MAP1B: variants seen among roughly 807,000 people sequenced by gnomAD.
The protein encoded by MAP1B is microtubule-associated protein 1B.
In MAP1B, 12 loss-of-function variants were observed where a neutral mutation model predicts 176.1. The ratio of observed to expected loss-of-function variants is 0.07; its 90% CI spans 0.04 to 0.11. MAP1B has a LOEUF of 0.11. Among genes scored for constraint, MAP1B ranks in the 10% least tolerant of loss-of-function variants. MAP1B has a pLI of 1.00. For missense variants in MAP1B, 2,523 were observed against 2,990.5 expected, an observed-to-expected ratio of 0.84 and a Z score of 3.65; for synonymous variants, 1,044 against 1,135.0, an observed-to-expected ratio of 0.92 and a Z score of 1.61.
chr5:72,108,376 G>T lies in MAP1B; in HGVS notation c.184+661G>T, dbSNP rs570760950. Among the ~76,000 whole-genome samples the T allele has an allele frequency of 7.2e-5, 11 of 152,356 alleles. No individual in the cohort carries two copies. In the South Asian group the frequency reaches 2.3e-3, roughly 32 times the overall value. On this transcript the variant is annotated intron_variant, in intron 1 of 6. Coordinates refer to ENST00000296755, the MANE Select transcript of MAP1B (RefSeq NM_005909.5). ...AGCCCGCCTCGCTACCGCCCTTGGG[G>T]CCTTGGCTGCAGCTCTCAGAAAGGA...
At chr5:72,115,206 C>G (rs1388097028) in intron 1 of MAP1B, among the ~76,000 whole-genome samples, 1 of 152,182 alleles carries the variant, frequency 6.6e-6, no homozygotes, top group African/African-American at 2.4e-5. Flanking sequence ...CACATGTATA[C>G]TACCAGAACA....
chr5:72,197,804 C>T lies in MAP1B; in HGVS notation c.4449C>T (p.Ala1483=). Residue 1483 remains alanine, a synonymous_variant, in exon 5 of 7, where the codon GCC becomes GCT. Coordinates refer to ENST00000296755, the MANE Select transcript of MAP1B (RefSeq NM_005909.5). ...GQEKKTDDVE[A]MSSQPALALD... Reference sequence around the variant, plus strand: ...AAAAGAAAACTGATGATGTTGAAGCCATGAGTTCTCAACCAGCACTGGCTC... The same window carrying T: ...AAAAGAAAACTGATGATGTTGAAGCTATGAGTTCTCAACCAGCACTGGCTC... The T allele has an allele frequency of 6.2e-7, 1 of 1,614,182 alleles. No homozygotes were observed. The highest frequency in any genetic ancestry group is 8.5e-7 in the Non-Finnish European group (1 of 1,180,050).
chr5:72,115,019 A>C (rs572338549), intron 1 of MAP1B, among the ~76,000 whole-genome samples: 1 of 152,320 alleles, frequency 6.6e-6, no homozygotes. Flanking sequence ...ATTGTGAATA[A>C]AAGAGCTGCC....
intron 2 of MAP1B, among the ~76,000 whole-genome samples, chr5:72,127,253 C>T (rs1036368416): frequency 6.6e-6 from 1 of 152,158 alleles, no homozygotes; most frequent in African/African-American, 2.4e-5. Context: ...CATAATTTAG[C>T]AAGTTAGTAC....
chr5:72,121,473 C>G (rs532620855), intron 2 of MAP1B, among the ~76,000 whole-genome samples: 1 of 152,292 alleles, frequency 6.6e-6, no homozygotes, highest in South Asian at 2.1e-4. Flanking sequence ...AGAACCGATG[C>G]CTTTTTCCTA....
chr5:72,147,995 A>T (rs1746076085), intron 2 of MAP1B, among the ~76,000 whole-genome samples: 1 of 152,206 alleles, frequency 6.6e-6, no homozygotes, highest in African/African-American at 2.4e-5. Flanking sequence ...AAAGAAAATC[A>T]CCCAAACTAG....
intron 2 of MAP1B, among the ~76,000 whole-genome samples, chr5:72,150,332 G>A (rs1338272175): frequency 6.6e-6 from 1 of 152,126 alleles, no homozygotes; most frequent in Non-Finnish European, 1.5e-5. Flanking sequence ...TTCTCTGGTG[G>A]TAACTGGCAT....
intron 4 of MAP1B, among the ~76,000 whole-genome samples, chr5:72,189,996 A>G (rs1376062122): frequency 6.6e-6 from 1 of 152,240 alleles, no homozygotes; most frequent in Admixed American, 6.5e-5. Flanking sequence ...CATAAGGCCA[A>G]GAGGAAGGAG....
At chr5:72,200,886 G>A (rs1454623846) in intron 5 of MAP1B, among the ~76,000 whole-genome samples, 2 of 152,036 alleles carry the variant, frequency 1.3e-5, no homozygotes, top group African/African-American at 4.8e-5. Flanking sequence ...AACATCACCA[G>A]GTTGGAGATA....
Position 72,167,280 on chromosome 5 carries a change from A to G in MAP1B, c.287-16463A>G, listed in dbSNP as rs554293413. ...CTATCTCATAGGTTGCAATTTGTTA[A>G]TTGGATTTTTTTTAAAACAAGAAGC... is the stretch of plus-strand genomic sequence containing the variant. On this transcript the variant is annotated intron_variant, in intron 2 of 6. Coordinates refer to ENST00000296755, the MANE Select transcript of MAP1B (RefSeq NM_005909.5). Among the ~76,000 whole-genome samples the G allele has an allele frequency of 2.0e-5, 3 of 152,320 alleles. No individual in the cohort carries two copies. In the South Asian group the frequency reaches 6.2e-4, roughly 32 times the overall value.
At chr5:72,134,607 G>A (rs1382167984) in intron 2 of MAP1B, among the ~76,000 whole-genome samples, 4 of 151,858 alleles carry the variant, frequency 2.6e-5, no homozygotes, top group South Asian at 4.2e-4. Context: ...ACTTGAAAAC[G>A]TAGAAGCAGG....
intron 2 of MAP1B, among the ~76,000 whole-genome samples, chr5:72,143,773 T>G (rs907149909): frequency 1.3e-5 from 2 of 152,188 alleles, no homozygotes; most frequent in African/African-American, 4.8e-5. Context: ...TTTCTCCTCA[T>G]TTCTAGTGAT....
chr5:72,173,265 C>G (rs897580978), intron 2 of MAP1B, among the ~76,000 whole-genome samples: 4 of 152,204 alleles, frequency 2.6e-5, no homozygotes, highest in Non-Finnish European at 5.9e-5. Context: ...TTATGACTTA[C>G]GATTCCTGAT....
chr5:72,120,095 C>T (rs75670034), intron 2 of MAP1B, among the ~76,000 whole-genome samples: 27 of 152,206 alleles, frequency 1.8e-4, no homozygotes, highest in African/African-American at 5.1e-4. Flanking sequence ...AATTATCTGT[C>T]GTAGACAGAC....
Position 72,194,570 on chromosome 5 carries a change from T to A in MAP1B, c.1215T>A (p.Thr405=). ...PEPLFRSVGN[T]IDPVILFQKM... is the part of the protein sequence containing the mutation. ...CTCTGTTTAGAAGTGTAGGCAATAC[T>A]ATTGATCCTGTCATTCTTTTCCAAA... The change falls in exon 5 of 7, where the codon ACT becomes ACA. Residue 405 remains threonine (T), a synonymous_variant. Coordinates refer to ENST00000296755, the MANE Select transcript of MAP1B (RefSeq NM_005909.5). This position sits in a 1 kb window ranked among gnomAD's most constrained non-coding sequence, Gnocchi z 7.2. 2 of 1,614,166 alleles carry A rather than the reference T, an allele frequency of 1.2e-6. No individual in the cohort carries two copies. Among genetic ancestry groups the A allele is most frequent in the Non-Finnish European group, 1.7e-6 (2 of 1,180,052 alleles).
chr5:72,148,806 A>G (rs1052107959), intron 2 of MAP1B, among the ~76,000 whole-genome samples: 4 of 152,226 alleles, frequency 2.6e-5, no homozygotes, highest in African/African-American at 7.2e-5. Context: ...GAGCAGCCAC[A>G]CTGTGGTGTG....
chr5:72,174,570 A>G (rs1276891457), intron 2 of MAP1B, among the ~76,000 whole-genome samples: 2 of 152,214 alleles, frequency 1.3e-5, no homozygotes, highest in Non-Finnish European at 2.9e-5. Flanking sequence ...TGTATGAGTG[A>G]CAAATCCTGC....
chr5:72,169,669 C>T (rs1343454480), intron 2 of MAP1B: 1 of 154,290 alleles, frequency 6.5e-6, no homozygotes, highest in Admixed American at 6.5e-5. Context: ...GTGAGATTTA[C>T]ATAGAAATTG....
rs753999755 is a variant in MAP1B, at chr5:72,198,283, C to T, written c.4928C>T (p.Ser1643Phe). 17 of 1,614,200 alleles carry T rather than the reference C, an allele frequency of 1.1e-5. No homozygotes were observed. The highest frequency in any genetic ancestry group is 1.4e-5 in the Non-Finnish European group (16 of 1,180,030). The change falls in exon 5 of 7, where the codon TCC becomes TTC. Residue 1643 changes from serine (S) to phenylalanine (F), a missense_variant. Physicochemically the swap from Ser to Phe is radical, Grantham distance 155 (BLOSUM62 -2). Around this residue, in one of 4 missense-constraint regions of MAP1B, gnomAD observed 1,925 missense variants for 2,126.0 expected, o/e 0.91. Coordinates refer to ENST00000296755, the MANE Select transcript of MAP1B (RefSeq NM_005909.5). The stretch of plus-strand genomic sequence containing the variant: ...GTTCAAGATCACAGATCTGAACAGT[C>T]CTCAATGTCTATTGAATTTGGCCAA... Reference protein sequence around the residue: ...TPVQDHRSEQSSMSIEFGQES... With the variant: ...TPVQDHRSEQFSMSIEFGQES...
Sources: gnomAD v4.1 joint callset for allele counts (sites outside exome capture counted in the v4.1 genomes callset) on GRCh38, gnomAD v4.1.1 for gene constraint, gnomAD v4.1.1 regional missense constraint, Gnocchi (gnomAD v3.1) non-coding constraint, MANE v1.5 for transcripts, NCBI Gene and HGNC (gene_info 2026-07-23, HGNC 2026-07-21) for gene names.